RGS6: variants seen among roughly 807,000 people sequenced by gnomAD.
RGS6 encodes regulator of G protein signaling 6.
A neutral mutation model predicts 78.5 loss-of-function variants in RGS6; 30 were observed. The observed-to-expected ratio is 0.38, with a 90% CI of 0.29 to 0.52. The LOEUF (loss-of-function observed/expected upper bound fraction) is 0.52, where lower values mean the gene tolerates loss of function less well. Among genes scored for constraint, RGS6 ranks in the 20% least tolerant of loss-of-function variants. The pLI, the probability that RGS6 is intolerant of heterozygous loss-of-function variation, is 0.85. For synonymous variants in RGS6, 206 were observed against 206.0 expected, an observed-to-expected ratio of 1.00 and a Z score of 0.00; for missense variants, 495 against 609.7, an observed-to-expected ratio of 0.81 and a Z score of 1.98.
chr14:71,878,489 C>T, the RGS6 span, among the ~76,000 whole-genome samples: 1 of 152,192 alleles, frequency 6.6e-6, no homozygotes. Context: ...AAGCCAGGCA[C>T]GGGATATAAT....
At chr14:72,380,896 A>G (rs954747198) in intron 3 of RGS6, among the ~76,000 whole-genome samples, 4 of 152,184 alleles carry the variant, frequency 2.6e-5, no homozygotes, top group African/African-American at 9.6e-5. Context: ...ACTATTATAT[A>G]GCCAAGATAT....
chr14:72,293,201 C>T (rs1242579456), intron 2 of RGS6, among the ~76,000 whole-genome samples: 1 of 152,166 alleles, frequency 6.6e-6, no homozygotes, highest in Non-Finnish European at 1.5e-5. Context: ...CCCGTCAGAA[C>T]CTCCCATCTG....
intron 2 of RGS6, among the ~76,000 whole-genome samples, chr14:72,217,454 G>A (rs144011893): frequency 2.0e-5 from 3 of 152,204 alleles, no homozygotes; most frequent in African/African-American, 7.2e-5. Context: ...ACATCCTAGG[G>A]CTTTACTGCA....
At chr14:72,227,916 A>G (rs2048522994) in intron 2 of RGS6, among the ~76,000 whole-genome samples, 1 of 152,162 alleles carries the variant, frequency 6.6e-6, no homozygotes, top group South Asian at 2.1e-4. Flanking sequence ...AGTAATTACA[A>G]TTATAAACAC....
intron 17 of RGS6, among the ~76,000 whole-genome samples, chr14:72,555,945 G>GTGAT (rs2097569131): frequency 6.6e-6 from 1 of 152,192 alleles, no homozygotes; most frequent in African/African-American, 2.4e-5. Flanking sequence ...CAAGGCCTGA[G>GTGAT]TGATTTGAAG....
chr14:72,626,798 T>C, the RGS6 span, among the ~76,000 whole-genome samples: 23 of 152,140 alleles, frequency 1.5e-4, no homozygotes, highest in Non-Finnish European at 4.4e-5. Flanking sequence ...CCACCAACAA[T>C]GTATGAAGGC....
intron 2 of RGS6, among the ~76,000 whole-genome samples, chr14:72,029,975 TTTCTC>T (rs1284491548): frequency 6.6e-6 from 1 of 152,254 alleles, no homozygotes; most frequent in Non-Finnish European, 1.5e-5. Context: ...TATGCAATCT[TTTCTC>T]TTTCTTTGAT....
chr14:72,290,149 A>G (rs1404675352), intron 2 of RGS6, among the ~76,000 whole-genome samples: 1 of 152,176 alleles, frequency 6.6e-6, no homozygotes, highest in East Asian at 1.9e-4. Flanking sequence ...AGAAATCGAG[A>G]TTTTATCGCA....
At chr14:72,452,286 T>C (rs960041160) in intron 3 of RGS6, among the ~76,000 whole-genome samples, 6 of 152,042 alleles carry the variant, frequency 3.9e-5, no homozygotes, top group African/African-American at 1.4e-4. Context: ...GTGTTTTTGA[T>C]CTAAAGTTTG....
intron 2 of RGS6, among the ~76,000 whole-genome samples, chr14:72,154,037 G>A (rs576191691): frequency 7.2e-5 from 11 of 152,226 alleles, no homozygotes; most frequent in African/African-American, 1.2e-4. Flanking sequence ...CAGAGCGGCC[G>A]TTTATAGACC....
chr14:72,547,947 T>C (rs1480030549), intron 17 of RGS6, among the ~76,000 whole-genome samples: 3 of 152,184 alleles, frequency 2.0e-5, no homozygotes, highest in East Asian at 3.8e-4. Flanking sequence ...AAAATACTCA[T>C]ATGTGGCCTG....
At chr14:72,384,909 C>G (rs1055107924) in intron 3 of RGS6, among the ~76,000 whole-genome samples, 1 of 152,174 alleles carries the variant, frequency 6.6e-6, no homozygotes, top group Non-Finnish European at 1.5e-5. Context: ...CGCCACCACA[C>G]CCAGCTAATT....
At chr14:72,077,212 C>T (rs564810675) in intron 2 of RGS6, among the ~76,000 whole-genome samples, 2 of 151,918 alleles carry the variant, frequency 1.3e-5, no homozygotes, top group African/African-American at 4.8e-5. Flanking sequence ...TAATTGAACA[C>T]CTTTCCATAT....
chr14:72,423,300 G>T (rs2094286623), intron 3 of RGS6, among the ~76,000 whole-genome samples: 3 of 152,156 alleles, frequency 2.0e-5, no homozygotes, highest in Admixed American at 6.5e-5. Context: ...CCCACCCCAT[G>T]TCATGTTTAC....
chr14:71,999,865 TC>T (rs1267784033), intron 2 of RGS6, among the ~76,000 whole-genome samples: 1 of 23,568 alleles, frequency 4.2e-5, no homozygotes, highest in Non-Finnish European at 6.8e-5. Context: ...CAATTAAACC[TC>T]TTTTTTTTTT....
At chr14:72,378,359 C>T (rs2085263598) in intron 3 of RGS6, among the ~76,000 whole-genome samples, 1 of 151,054 alleles carries the variant, frequency 6.6e-6, no homozygotes, top group Non-Finnish European at 1.5e-5. Context: ...AAGATCAGAG[C>T]AGAAATGAAC....
In RGS6 at chr14:71,975,045, T is replaced by C. The variant is rs554846267; in HGVS notation, c.84+10170T>C. 9.8e-5 allele frequency among the ~76,000 whole-genome samples: 15 copies of C among 152,310 alleles called. No homozygotes were observed. In the East Asian group the frequency reaches 2.9e-3, roughly 29 times the overall value. On this transcript the variant is annotated intron_variant, in intron 2 of 17. Transcript: ENST00000553525. ...AGTACATGCCTGTAGTCCCAGCTACTCAGGAGGTGGAGGTGGGGGAATCAC... is the reference window on the plus strand; with the variant it reads ...AGTACATGCCTGTAGTCCCAGCTACCCAGGAGGTGGAGGTGGGGGAATCAC...
chr14:72,232,118 G>T (rs542918370), intron 2 of RGS6, among the ~76,000 whole-genome samples: 12 of 152,310 alleles, frequency 7.9e-5, no homozygotes, highest in Non-Finnish European at 1.5e-4. Flanking sequence ...GCCATGCTAG[G>T]TATGAGCATG....
At chr14:71,939,070 G>A (rs998810922) in intron 1 of RGS6, among the ~76,000 whole-genome samples, 1 of 152,172 alleles carries the variant, frequency 6.6e-6, no homozygotes. Flanking sequence ...ACCTTCTCCT[G>A]TTCTGGACCC....
Sources: allele counts gnomAD v4.1 joint callset (sites outside exome capture counted in the v4.1 genomes callset), GRCh38; gene constraint gnomAD v4.1.1; transcripts MANE v1.5; gene names NCBI Gene and HGNC (gene_info 2026-07-23, HGNC 2026-07-21).